RNF213: variants seen among roughly 807,000 people sequenced by gnomAD.
RNF213 encodes the protein ring finger protein 213.
In RNF213, 341 loss-of-function variants were observed where a neutral mutation model predicts 514.4. The ratio of observed to expected loss-of-function variants is 0.66; its 90% CI spans 0.61 to 0.73. The LOEUF is 0.73. RNF213 is among the 30% of genes least tolerant of loss of function. The probability of loss-of-function intolerance (pLI) is 0.00; values close to 1 mark genes in which losing one functional copy is unlikely to be tolerated. For synonymous variants in RNF213, 2,655 were observed against 2,658.2 expected, an observed-to-expected ratio of 1.00 and a Z score of 0.04; for missense variants, 5,767 against 6,615.6, an observed-to-expected ratio of 0.87 and a Z score of 4.45.
At chr17:80,268,891 A>G (rs2043702703) in intron 2 of RNF213, among the ~76,000 whole-genome samples, 2 of 152,172 alleles carry the variant, frequency 1.3e-5, no homozygotes, top group South Asian at 2.1e-4. Flanking sequence ...GAAAGAAAGA[A>G]GCCAGTAGTT....
intron 11 of RNF213, among the ~76,000 whole-genome samples, chr17:80,302,073 G>C (rs1043184870): frequency 1.3e-5 from 2 of 152,222 alleles, no homozygotes; most frequent in African/African-American, 4.8e-5. Context: ...ACGTGGATGT[G>C]AAAAGAGTTG....
rs567857036 is a variant in RNF213, at chr17:80,353,233, C to T, written c.10423+174C>T. 5.7e-5 allele frequency: 52 copies of T among 912,532 alleles called. No individual in the cohort carries two copies. Among genetic ancestry groups the T allele is most frequent in the South Asian group, 1.4e-4 (9 of 64,994 alleles). The allele number at this position is 912,532 out of a possible 1,614,324, so 56.5% of individuals were successfully genotyped here. ...GTGGCTCATCATAGAGCACCAGGGC[C>T]GAGCAGGTGCGCTTACCACAGGCTG... On this transcript the variant is annotated intron_variant, in intron 33 of 67. Coordinates refer to ENST00000582970, the MANE Select transcript of RNF213 (RefSeq NM_001256071.3). This position sits in a 1 kb window ranked among gnomAD's most constrained non-coding sequence, Gnocchi z 5.0.
intron 22 of RNF213, among the ~76,000 whole-genome samples, chr17:80,335,230 C>T (rs2077954863): frequency 6.6e-6 from 1 of 152,140 alleles, no homozygotes; most frequent in African/African-American, 2.4e-5. Flanking sequence ...GCGCCTGGCC[C>T]CACAGAGAGA....
intron 17 of RNF213, chr17:80,320,306 A>G (rs1033402223): frequency 3.9e-5 from 6 of 152,250 alleles, no homozygotes; most frequent in Non-Finnish European, 1.5e-5. Context: ...CCTTTTGGGT[A>G]TGGCTTATTT....
intron 20 of RNF213, among the ~76,000 whole-genome samples, chr17:80,331,293 G>A (rs2046408145): frequency 6.6e-6 from 1 of 151,956 alleles, no homozygotes; most frequent in Non-Finnish European, 1.5e-5. Flanking sequence ...CAGGCCTCAT[G>A]TGTCATTTAC....
At chr17:80,312,602 T>A (rs969303506) in intron 14 of RNF213, among the ~76,000 whole-genome samples, 1 of 151,674 alleles carries the variant, frequency 6.6e-6, no homozygotes, top group African/African-American at 2.4e-5. Flanking sequence ...GGACCCAGGT[T>A]TACCTCCGGG....
intron 12 of RNF213, among the ~76,000 whole-genome samples, 184 bp downstream of exon 12, chr17:80,306,652 C>A (rs967850241): frequency 6.6e-6 from 1 of 152,070 alleles, no homozygotes; most frequent in African/African-American, 2.4e-5. Context: ...GAGATCGAGA[C>A]CATCCTGGCT....
chr17:80,395,187 G>A lies in RNF213; in HGVS notation c.*1689G>A, dbSNP rs1599234983. 1 of 151,270 alleles carries A rather than the reference G, an allele frequency of 6.6e-6. No individual in the cohort carries two copies. Among genetic ancestry groups the A allele is most frequent in the East Asian group, 1.9e-4 (1 of 5,156 alleles). 9.4% of individuals were successfully genotyped at this position (151,270 alleles called of 1,614,324 possible). ...TGTGCTGTGCTTCAAAGCCTTAACTGTCAAATCTTGCATTATCTTGTTTGT... is the reference window on the plus strand; with the variant it reads ...TGTGCTGTGCTTCAAAGCCTTAACTATCAAATCTTGCATTATCTTGTTTGT... On this transcript the variant is annotated 3_prime_UTR_variant, in exon 68 of 68. Transcript: ENST00000582970.
intron 14 of RNF213, among the ~76,000 whole-genome samples, chr17:80,310,927 C>CT (rs1394421816): frequency 6.6e-6 from 1 of 152,140 alleles, no homozygotes; most frequent in Non-Finnish European, 1.5e-5. Flanking sequence ...TATGTTTTAA[C>CT]TTTCTTCCTT....
chr17:80,267,575 G>A (rs895053381), intron 2 of RNF213, among the ~76,000 whole-genome samples: 1 of 152,206 alleles, frequency 6.6e-6, no homozygotes, highest in Admixed American at 6.5e-5. Flanking sequence ...AACCACAGCC[G>A]AATCCACAGT....
At chr17:80,370,008 T>C in intron 46 of RNF213, 141 bp downstream of exon 46, 3 of 719,926 alleles carry the variant, frequency 4.2e-6, no homozygotes, top group Non-Finnish European at 7.6e-6. Flanking sequence ...ACAGCCTGGT[T>C]ACTTGTACTG....
rs765476880 is a variant in RNF213, at chr17:80,344,771, C to T, written c.6436C>T (p.Leu2146=). Residue 2146 remains leucine, a synonymous_variant, in exon 29 of 68, where the codon CTG becomes TTG. Coordinates refer to ENST00000582970, the MANE Select transcript of RNF213 (RefSeq NM_001256071.3). The stretch of plus-strand genomic sequence containing the variant: ...GGTGATAGACATGGAGCTGAGTGCC[C>T]TGAGGAGTGACACAGAGCCTGGGAT... ...KEVIDMELSA[L]RSDTEPGMDL... 3 of 1,614,042 alleles carry T rather than the reference C, an allele frequency of 1.9e-6. No individual in the cohort carries two copies. In the African/African-American group the frequency reaches 4.0e-5, roughly 22 times the overall value.
In RNF213 at chr17:80,363,617, C is replaced by T. The variant is rs765813521; in HGVS notation, c.11577C>T (p.Asp3859=). ...GCTGTCCGTCTCCCCAGACCCTGGA[C>T]GCATTTGCCGCAATGGCCTGCACGG... ...HELAGCEMTL[D]AFAAMACTEM... is the part of the protein sequence containing the mutation. The change falls in exon 41 of 68, where the codon GAC becomes GAT. Residue 3859 remains aspartate, a synonymous_variant. Coordinates refer to ENST00000582970, the MANE Select transcript of RNF213 (RefSeq NM_001256071.3). 5.0e-6 allele frequency: 8 copies of T among 1,613,660 alleles called. No homozygotes were observed. Among genetic ancestry groups the T allele is most frequent in the East Asian group, 2.2e-5 (1 of 44,890 alleles).
At chr17:80,280,507 G>T (rs771126061) in intron 3 of RNF213, among the ~76,000 whole-genome samples, 1 of 152,174 alleles carries the variant, frequency 6.6e-6, no homozygotes, top group African/African-American at 2.4e-5. Context: ...AGGCTGGAGC[G>T]CAGTGGCAAA....
Position 80,345,797 on chromosome 17 carries a change from G to T in RNF213, c.7462G>T (p.Glu2488Ter). The change falls in exon 29 of 68, where the codon GAA (glutamate) becomes TAA (stop). Residue 2488 changes from glutamate to a stop codon, truncating the protein, a stop_gained. Transcript: ENST00000582970. LOFTEE classifies it high-confidence loss of function. The surrounding 1 kb of genome is among the most constrained non-coding windows in gnomAD (Gnocchi z 6.0). The stretch of plus-strand genomic sequence containing the variant: ...GTTGGACACCATCTTGTTTTTTGAT[G>T]AAGCCAACACAACGGAAGCTATAAG... Reference protein sequence around the residue: ...HQLDTILFFDEANTTEAISCI... With the variant: ...HQLDTILFFD The T allele has an allele frequency of 6.2e-7, 1 of 1,614,124 alleles. No individual in the cohort carries two copies. Among genetic ancestry groups the T allele is most frequent in the Non-Finnish European group, 8.5e-7 (1 of 1,180,040 alleles).
rs1193105321 is a variant in RNF213, at chr17:80,317,724, C to T, written c.2901+447C>T. Among the ~76,000 whole-genome samples, 1 of 152,182 alleles carries T rather than the reference C, an allele frequency of 6.6e-6. No homozygotes were observed. The highest frequency in any genetic ancestry group is 2.4e-5 in the African/African-American group (1 of 41,436). On this transcript the variant is annotated intron_variant, in intron 16 of 67. Coordinates refer to ENST00000582970, the MANE Select transcript of RNF213 (RefSeq NM_001256071.3). The surrounding 1 kb of genome is among the most constrained non-coding windows in gnomAD (Gnocchi z 4.1). ...CTGCAACCCCCGAAGCTCCAGAGGG[C>T]ATGTTACAGTGCTCTCTTAGCTCCG...
chr17:80,367,895 T>C (rs1469243474), intron 43 of RNF213, 47 bp downstream of exon 43: 1 of 1,613,546 alleles, frequency 6.2e-7, no homozygotes, highest in Non-Finnish European at 8.5e-7. Flanking sequence ...TCTGAACCTC[T>C]CGTGGTTTTC....
intron 61 of RNF213, 119 bp from the exon 62 acceptor site, chr17:80,386,131 C>A (rs922168314): frequency 4.1e-6 from 4 of 969,798 alleles, no homozygotes; most frequent in African/African-American, 1.6e-5. Flanking sequence ...GGGGCAGAAC[C>A]GAGACCCGGC....
chr17:80,393,295 C>G (rs762020411), intron 67 of RNF213, 50 bp from the exon 68 acceptor site: 1 of 1,582,374 alleles, frequency 6.3e-7, no homozygotes, highest in Admixed American at 1.7e-5. Context: ...CACACGTGAG[C>G]CACCATGCTG....
Sources: gnomAD v4.1 joint callset for allele counts (sites outside exome capture counted in the v4.1 genomes callset) on GRCh38, gnomAD v4.1.1 for gene constraint, Gnocchi (gnomAD v3.1) non-coding constraint, MANE v1.5 for transcripts, NCBI Gene and HGNC (gene_info 2026-07-23, HGNC 2026-07-21) for gene names.